WASF3: variants seen among roughly 807,000 people sequenced by gnomAD.
WASF3 encodes actin-binding protein WASF3.
WASF3 carries 11 observed loss-of-function variants against 46.6 expected under a neutral mutation model. The observed-to-expected ratio is 0.24, with a 90% CI of 0.15 to 0.39. The LOEUF is 0.39. Ranked by LOEUF, WASF3 falls within the 10% of genes least tolerant of loss-of-function variation. The pLI, the probability that WASF3 is intolerant of heterozygous loss-of-function variation, is 1.00. For synonymous variants in WASF3, 242 were observed against 259.7 expected, an observed-to-expected ratio of 0.93 and a Z score of 0.65; for missense variants, 576 against 669.8, an observed-to-expected ratio of 0.86 and a Z score of 1.55.
At chr13:26,556,155 T>C (rs12871734), upstream of WASF3, among the ~76,000 whole-genome samples, 27,504 of 152,160 alleles carry the variant, frequency 0.18, 2,922 homozygotes, top group East Asian at 0.29. Flanking sequence ...CTGAACACTT[T>C]GGGATGATGT....
At chr13:26,571,876 C>G (rs1879647227) in intron 1 of WASF3, among the ~76,000 whole-genome samples, 1 of 152,180 alleles carries the variant, frequency 6.6e-6, no homozygotes, top group African/African-American at 2.4e-5. Context: ...TTTCATGTGC[C>G]TTTCAGATGT....
chr13:26,684,292 C>A (rs1030465006), intron 9 of WASF3, among the ~76,000 whole-genome samples: 1 of 150,942 alleles, frequency 6.6e-6, no homozygotes, highest in South Asian at 2.1e-4. Flanking sequence ...TTTTTAACAC[C>A]TTATAAGCCC....
chr13:26,574,587 C>G (rs1213682645), intron 1 of WASF3, among the ~76,000 whole-genome samples: 1 of 151,938 alleles, frequency 6.6e-6, no homozygotes, highest in African/African-American at 2.4e-5. Flanking sequence ...GCTTTCTAAG[C>G]AAATTTGAAA....
chr13:26,684,119 A>G (rs9551307), intron 9 of WASF3, among the ~76,000 whole-genome samples: 40,914 of 152,090 alleles, frequency 0.27, 6,060 homozygotes, highest in East Asian at 0.57. Flanking sequence ...CCAGGCCCAC[A>G]GTGTGGCCCA....
intron 2 of WASF3, among the ~76,000 whole-genome samples, chr13:26,626,903 T>C (rs1420397872): frequency 1.3e-5 from 2 of 152,132 alleles, no homozygotes; most frequent in Admixed American, 1.3e-4. Flanking sequence ...AGTTGACAAA[T>C]ACACAATTAT....
At chr13:26,648,699 T>C (rs1882223991) in intron 3 of WASF3, among the ~76,000 whole-genome samples, 1 of 152,136 alleles carries the variant, frequency 6.6e-6, no homozygotes, top group Non-Finnish European at 1.5e-5. Flanking sequence ...AGCAAGAATT[T>C]AAGAATTTTT....
At chr13:26,553,553 C>T (rs966960743), upstream of WASF3, among the ~76,000 whole-genome samples, 4 of 152,062 alleles carry the variant, frequency 2.6e-5, no homozygotes, top group Non-Finnish European at 5.9e-5. Flanking sequence ...CACGGTGGCT[C>T]ACGCCTGTAA....
Position 26,685,695 on chromosome 13 carries a change from A to T in WASF3, c.1359A>T (p.Gln453His). Residue 453 changes from glutamine to histidine, a missense_variant, in exon 10 of 10, where the codon CAA (glutamine) becomes CAT (histidine). Physicochemically the swap from Gln to His is conservative, Grantham distance 24. Transcript: ENST00000335327. ...CACGTGTTGTGTCTGCAGGAATTCA[A>T]CTGAAAAAGGTGCAGGAGCAGCGGG... Reference protein sequence around the residue: ...DLLAAIRMGIQLKKVQEQREQ... With the variant: ...DLLAAIRMGIHLKKVQEQREQ... 6.2e-7 allele frequency: 1 copy of T among 1,614,148 alleles called. No individual in the cohort carries two copies. Among genetic ancestry groups the T allele is most frequent in the Non-Finnish European group, 8.5e-7 (1 of 1,179,968 alleles).
At chr13:26,677,086 G>A (rs1432375364) in intron 7 of WASF3, among the ~76,000 whole-genome samples, 1 of 152,020 alleles carries the variant, frequency 6.6e-6, no homozygotes, top group Non-Finnish European at 1.5e-5. Context: ...AATTTCCTTT[G>A]CCACTTGGTA....
In WASF3 at chr13:26,642,342, C is replaced by G; in HGVS notation, c.72C>G (p.Ser24Arg). ...CRGALPEGIT[S>R]ELECVTNSTL... ...GAGCTCTGCCTGAAGGGATTACCAG[C>G]GAACTTGAATGTGTAACCAATAGTA... is the stretch of plus-strand genomic sequence containing the variant. Residue 24 changes from serine (S) to arginine (R), a missense_variant, in exon 3 of 10, where the codon AGC (serine) becomes AGG (arginine). Transcript: ENST00000335327. The G allele has an allele frequency of 6.2e-7, 1 of 1,612,232 alleles. No homozygotes were observed. Among genetic ancestry groups the G allele is most frequent in the Non-Finnish European group, 8.5e-7 (1 of 1,179,346 alleles).
At chr13:26,594,408 C>G (rs1880397082) in intron 1 of WASF3, among the ~76,000 whole-genome samples, 1 of 152,166 alleles carries the variant, frequency 6.6e-6, no homozygotes, top group South Asian at 2.1e-4. Context: ...AAGGTAAAAT[C>G]TTTTCAGCAC....
intron 1 of WASF3, among the ~76,000 whole-genome samples, chr13:26,589,749 A>C (rs1880234933): frequency 6.6e-6 from 1 of 152,196 alleles, no homozygotes; most frequent in South Asian, 2.1e-4. Context: ...TTTGGGGTGT[A>C]GGATACCTTC....
chr13:26,678,689 G>T (rs1593186212), intron 7 of WASF3, among the ~76,000 whole-genome samples: 1 of 152,222 alleles, frequency 6.6e-6, no homozygotes, highest in East Asian at 1.9e-4. Flanking sequence ...GGAATGGCTT[G>T]TTCCTGAGAA....
intron 7 of WASF3, among the ~76,000 whole-genome samples, chr13:26,678,700 T>G (rs1883137486): frequency 6.6e-6 from 1 of 152,158 alleles, no homozygotes; most frequent in Admixed American, 6.5e-5. Context: ...TTCCTGAGAA[T>G]AAATTTAAGA....
At chr13:26,544,204 T>G in the WASF3 span, among the ~76,000 whole-genome samples, 1 of 152,064 alleles carries the variant, frequency 6.6e-6, no homozygotes, top group Non-Finnish European at 1.5e-5. Flanking sequence ...ATATTAAGAG[T>G]GGATACAACC....
the WASF3 span, among the ~76,000 whole-genome samples, chr13:26,540,196 C>T: frequency 6.6e-6 from 1 of 152,138 alleles, no homozygotes; most frequent in Non-Finnish European, 1.5e-5. Flanking sequence ...AATGCCAGTT[C>T]CTGCTCCTCC....
chr13:26,619,414 T>A (rs1376844244), intron 2 of WASF3: 1 of 152,334 alleles, frequency 6.6e-6, no homozygotes, highest in Admixed American at 6.5e-5. Context: ...TCTAGTCTTA[T>A]GCACACAGCT....
rs201949686 is a variant in WASF3, at chr13:26,681,223, A to G, written c.886A>G (p.Met296Val). 3.7e-6 allele frequency: 6 copies of G among 1,613,862 alleles called. No homozygotes were observed. In the Admixed American group the frequency reaches 8.3e-5, roughly 22 times the overall value. Residue 296 changes from methionine to valine, a missense_variant, in exon 8 of 10, where the codon ATG becomes GTG. Physicochemically the swap from Met to Val is conservative, Grantham distance 21. Around this residue, in one of 3 missense-constraint regions of WASF3, gnomAD observed 295 missense variants for 291.5 expected, o/e 1.01. Coordinates refer to ENST00000335327, the MANE Select transcript of WASF3 (RefSeq NM_006646.6). Reference sequence around the variant, plus strand: ...GCCCCCATCTGCCTCGGCGAGGCACATGGCCCTCAACAGACCTCAGCAGCC... The same window carrying G: ...GCCCCCATCTGCCTCGGCGAGGCACGTGGCCCTCAACAGACCTCAGCAGCC... ...YRPPSASARH[M>V]ALNRPQQPPP...
intron 6 of WASF3, 136 bp downstream of exon 6, chr13:26,672,125 A>G: frequency 1.5e-6 from 1 of 658,108 alleles, no homozygotes; most frequent in Non-Finnish European, 2.6e-6. Context: ...TTCTCACAAA[A>G]GATCCTGACA....
Sources: gnomAD v4.1 joint callset for allele counts (sites outside exome capture counted in the v4.1 genomes callset) on GRCh38, gnomAD v4.1.1 for gene constraint, gnomAD v4.1.1 regional missense constraint, MANE v1.5 for transcripts, NCBI Gene and HGNC (gene_info 2026-07-23, HGNC 2026-07-21) for gene names.